Variants in PRKAG2 observed in about 807,000 individuals in gnomAD.
The protein encoded by PRKAG2 is protein kinase AMP-activated non-catalytic subunit gamma 2.
Under a neutral mutation model 69.6 loss-of-function variants are expected in PRKAG2, and 26 were observed. The ratio of observed to expected loss-of-function variants is 0.37; its 90% CI spans 0.27 to 0.52. The LOEUF (loss-of-function observed/expected upper bound fraction) is 0.52, where lower values mean the gene tolerates loss of function less well. Among genes scored for constraint, PRKAG2 ranks in the 20% least tolerant of loss-of-function variants. The probability of loss-of-function intolerance (pLI) is 0.90; values close to 1 mark genes in which losing one functional copy is unlikely to be tolerated. For missense variants in PRKAG2, 557 were observed against 740.0 expected (o/e 0.75, Z 2.87); for synonymous variants, 293 against 285.0 (o/e 1.03, Z -0.28).
In PRKAG2 at chr7:151,694,009, T is replaced by C. The variant is rs565371123; in HGVS notation, c.467-18372A>G. On this transcript the variant is annotated intron_variant, in intron 3 of 15. Transcript: ENST00000287878. Reference sequence around the variant, plus strand: ...GCCTCAGCCTCCTGAGCAGCTGGGATTACAGTTGCTCACCACCACACCCAG... The same window carrying C: ...GCCTCAGCCTCCTGAGCAGCTGGGACTACAGTTGCTCACCACCACACCCAG... Among the ~76,000 whole-genome samples, 400 of 152,344 alleles carry C rather than the reference T, an allele frequency of 2.6e-3. 1 individual carries two copies. Among genetic ancestry groups the C allele is most frequent in the African/African-American group, 9.5e-3 (394 of 41,578 alleles).
intron 3 of PRKAG2, among the ~76,000 whole-genome samples, chr7:151,738,653 T>G (rs992701363): frequency 2.0e-5 from 3 of 152,280 alleles, no homozygotes. Flanking sequence ...GCCCAACCTA[T>G]TCCTTTAATT....
intron 1 of PRKAG2, among the ~76,000 whole-genome samples, chr7:151,790,881 G>T (rs559314715): frequency 6.6e-6 from 1 of 152,208 alleles, no homozygotes; most frequent in East Asian, 1.9e-4. Context: ...AGGGACTCAC[G>T]TCAAGATGGT....
intron 5 of PRKAG2, among the ~76,000 whole-genome samples, chr7:151,601,928 G>A (rs185532293): frequency 6.6e-5 from 10 of 152,356 alleles, no homozygotes; most frequent in Non-Finnish European, 1.2e-4. Flanking sequence ...ATGAATAGCA[G>A]CGGCTGTCAG....
chr7:151,653,249 T>C (rs1828840857), intron 4 of PRKAG2, among the ~76,000 whole-genome samples: 1 of 152,178 alleles, frequency 6.6e-6, no homozygotes, highest in East Asian at 1.9e-4. Context: ...TCATTAAATT[T>C]GCTTGTTAAA....
intron 1 of PRKAG2, among the ~76,000 whole-genome samples, chr7:151,852,749 A>G (rs56329275): frequency 0.021 from 3,186 of 152,146 alleles, 114 homozygotes; most frequent in African/African-American, 0.068. Flanking sequence ...GAGAGACCGG[A>G]GAGGCCAGGG....
intron 1 of PRKAG2, among the ~76,000 whole-genome samples, chr7:151,796,534 T>C (rs1027336197): frequency 1.3e-5 from 2 of 152,172 alleles, no homozygotes; most frequent in Non-Finnish European, 2.9e-5. Context: ...GGGGCAATCC[T>C]CTTGCCTTCG....
chr7:151,560,682 A>G, intron 14 of PRKAG2, 65 bp from the exon 15 acceptor site: 2 of 1,580,850 alleles, frequency 1.3e-6, no homozygotes, highest in Admixed American at 1.7e-5. Context: ...TGGACATGAG[A>G]AATAATGTCC....
chr7:151,790,909 C>T (rs534627198), intron 1 of PRKAG2, among the ~76,000 whole-genome samples: 30 of 152,340 alleles, frequency 2.0e-4, no homozygotes, highest in African/African-American at 5.5e-4. Flanking sequence ...AGCTGAGGGC[C>T]GGATGTGAGG....
Position 151,803,625 on chromosome 7 carries a change from G to A in PRKAG2, c.115-17084C>T, listed in dbSNP as rs550792670. On this transcript the variant is annotated intron_variant, in intron 1 of 15. Coordinates refer to ENST00000287878, the MANE Select transcript of PRKAG2 (RefSeq NM_016203.4). The stretch of plus-strand genomic sequence containing the variant: ...TGCCTAAGAATTTAAAATCAGTCAC[G>A]TATTACCCATTTGCTATTTACATAT... 3.3e-5 allele frequency among the ~76,000 whole-genome samples: 5 copies of A among 151,920 alleles called. No individual in the cohort carries two copies. The South Asian group carries it at 8.3e-4, about 25-fold the overall frequency.
chr7:151,832,596 G>GC (rs1554614838), intron 1 of PRKAG2, among the ~76,000 whole-genome samples: 3 of 1,106 alleles, frequency 2.7e-3, no homozygotes, highest in Non-Finnish European at 0.05. Flanking sequence ...AGGCATCTCT[G>GC]GGGGGGGGGT....
intron 1 of PRKAG2, among the ~76,000 whole-genome samples, chr7:151,859,952 G>A (rs1212415176): frequency 6.6e-6 from 1 of 152,192 alleles, no homozygotes. Flanking sequence ...TGCAGGACAC[G>A]AGTGCCCATC....
intron 1 of PRKAG2, among the ~76,000 whole-genome samples, chr7:151,861,491 G>C (rs566752552): frequency 7.5e-6 from 1 of 132,534 alleles, no homozygotes; most frequent in African/African-American, 2.9e-5. Flanking sequence ...TGGTGTCACT[G>C]CATTCCAGCC....
intron 3 of PRKAG2, among the ~76,000 whole-genome samples, chr7:151,739,201 G>A (rs1254641003): frequency 6.6e-6 from 1 of 152,214 alleles, no homozygotes; most frequent in Non-Finnish European, 1.5e-5. Context: ...TAGAGCAACT[G>A]CTCACGTGAT....
At chr7:151,643,623 T>C (rs1827112234) in intron 4 of PRKAG2, among the ~76,000 whole-genome samples, 1 of 152,240 alleles carries the variant, frequency 6.6e-6, no homozygotes. Context: ...CTCCACCACA[T>C]CTTCTACATT....
intron 2 of PRKAG2, among the ~76,000 whole-genome samples, chr7:151,782,723 CTG>C (rs1216645221): frequency 2.0e-5 from 3 of 152,202 alleles, no homozygotes; most frequent in Non-Finnish European, 4.4e-5. Context: ...GCTCCCTCAT[CTG>C]TAAAATGAGG....
chr7:151,747,469 A>G (rs2074355524), intron 3 of PRKAG2, among the ~76,000 whole-genome samples: 1 of 152,150 alleles, frequency 6.6e-6, no homozygotes, highest in Admixed American at 6.5e-5. Context: ...AGGCAGGAGA[A>G]TCGCTTGAAC....
At chr7:151,843,621 G>C (rs2079361663) in intron 1 of PRKAG2, among the ~76,000 whole-genome samples, 2 of 152,192 alleles carry the variant, frequency 1.3e-5, no homozygotes, top group African/African-American at 4.8e-5. Flanking sequence ...TTGAGTGTTT[G>C]TTCTAGGATC....
At chr7:151,622,710 A>AAACATCCAATC (rs1821828693) in intron 5 of PRKAG2, among the ~76,000 whole-genome samples, 1 of 152,220 alleles carries the variant, frequency 6.6e-6, no homozygotes, top group Non-Finnish European at 1.5e-5. Context: ...AGGAACAGGG[A>AAACATCCAATC]TAAGCACAAA....
In PRKAG2 at chr7:151,719,121, G is replaced by A. The variant is rs1472924565; in HGVS notation, c.467-43484C>T. Among the ~76,000 whole-genome samples, 2 of 152,150 alleles carry A rather than the reference G, an allele frequency of 1.3e-5. No homozygotes were observed. The highest frequency in any genetic ancestry group is 1.9e-4 in the East Asian group (1 of 5,198). On this transcript the variant is annotated intron_variant, in intron 3 of 15. Transcript: ENST00000287878. This position sits in a 1 kb window ranked among gnomAD's most constrained non-coding sequence, Gnocchi z 5.2. ...GGAGACGTGTGCCACCCTGTTCCCCGAGCGTTGCTCCGGGAGACGAGATGT... is the reference window on the plus strand; with the variant it reads ...GGAGACGTGTGCCACCCTGTTCCCCAAGCGTTGCTCCGGGAGACGAGATGT...
Sources: gnomAD v4.1 joint callset for allele counts (sites outside exome capture counted in the v4.1 genomes callset) on GRCh38, gnomAD v4.1.1 for gene constraint, Gnocchi (gnomAD v3.1) non-coding constraint, MANE v1.5 for transcripts, NCBI Gene and HGNC (gene_info 2026-07-23, HGNC 2026-07-21) for gene names.